The following TTBK2 variants were observed in gnomAD, a reference collection of about 807,000 sequenced individuals.
TTBK2 encodes the protein tau tubulin kinase 2.
In TTBK2, 28 loss-of-function variants were observed where a neutral mutation model predicts 110.8. That is an observed-to-expected ratio of 0.25 (90% CI 0.19 to 0.35). TTBK2 has a LOEUF of 0.35. TTBK2 is among the 10% of genes least tolerant of loss of function. The pLI is 1.00. For missense variants in TTBK2, 1,369 were observed against 1,500.3 expected (o/e 0.91, Z 1.45); for synonymous variants, 532 against 527.3 (o/e 1.01, Z -0.12).
chr15:42,873,533 G>A (rs1351973188), intron 2 of TTBK2, among the ~76,000 whole-genome samples: 1 of 152,086 alleles, frequency 6.6e-6, no homozygotes, highest in African/African-American at 2.4e-5. Context: ...AGAGCAGGCA[G>A]AGAACTCTAG....
intron 9 of TTBK2, among the ~76,000 whole-genome samples, chr15:42,806,831 T>TG (rs71431869): frequency 3.3e-5 from 5 of 151,324 alleles, no homozygotes; most frequent in Non-Finnish European, 7.4e-5. Context: ...TTTTTTTTTT[T>TG]GGCTCATCAG....
chr15:42,776,588 A>G (rs1298686556), intron 12 of TTBK2, among the ~76,000 whole-genome samples: 1 of 152,238 alleles, frequency 6.6e-6, no homozygotes, highest in Non-Finnish European at 1.5e-5. Flanking sequence ...GGTCTTCACT[A>G]AAGTGAATTG....
chr15:42,880,861 CAAACTG>C (rs1342999866), intron 1 of TTBK2, among the ~76,000 whole-genome samples: 3 of 151,896 alleles, frequency 2.0e-5, no homozygotes, highest in African/African-American at 7.3e-5. Context: ...AAATTCAAAA[CAAACTG>C]AAACCAGTAA....
At chr15:42,816,085 A>AATAAATATATAT (rs1397691949) in intron 7 of TTBK2, among the ~76,000 whole-genome samples, 6 of 67,446 alleles carry the variant, frequency 8.9e-5, no homozygotes, top group African/African-American at 3.8e-4. Flanking sequence ...TAAATAAATA[A>AATAAATATATAT]ATATATATAT....
Position 42,745,644 on chromosome 15 carries a change from G to T in TTBK2, c.*151C>A. ...CCTGCCTTAGGTAATTCCTTATCAT[G>T]TATTATGTCTTCTTATAAATAATTG... On this transcript the variant is annotated 3_prime_UTR_variant, in exon 15 of 15. Transcript: ENST00000267890. 4.2e-6 allele frequency: 4 copies of T among 944,326 alleles called. No individual in the cohort carries two copies. Among genetic ancestry groups the T allele is most frequent in the Admixed American group, 2.0e-5 (1 of 50,230 alleles). 58.5% of individuals were successfully genotyped at this position (944,326 alleles called of 1,614,324 possible). A position where few individuals can be genotyped will look rare whatever the true frequency, so the allele number is the denominator to read the frequency against.
chr15:42,903,571 A>T (rs1048760069), intron 1 of TTBK2, among the ~76,000 whole-genome samples: 1 of 152,224 alleles, frequency 6.6e-6, no homozygotes, highest in Non-Finnish European at 1.5e-5. Flanking sequence ...AAATGGGTGG[A>T]GTCCTTCAGT....
intron 1 of TTBK2, among the ~76,000 whole-genome samples, chr15:42,912,649 T>G (rs1457851298): frequency 6.6e-6 from 1 of 151,464 alleles, no homozygotes; most frequent in Non-Finnish European, 1.5e-5. Context: ...AGGCGGAGGT[T>G]GCAGTGAGCT....
chr15:42,802,217 T>C (rs1371678138), intron 9 of TTBK2: 3 of 920,376 alleles, frequency 3.3e-6, no homozygotes, highest in Non-Finnish European at 5.4e-6. Flanking sequence ...TTGACAGTGA[T>C]GGTGGTGATG....
chr15:42,783,333 C>T lies in TTBK2; in HGVS notation c.1197+86G>A, dbSNP rs9920092. Reference sequence around the variant, plus strand: ...GCCACAAAACAGCCCTCACCAGATACCAAATCTGCCTAGCCTTCCTTCTTG... The same window carrying T: ...GCCACAAAACAGCCCTCACCAGATATCAAATCTGCCTAGCCTTCCTTCTTG... On this transcript the variant is annotated intron_variant, in intron 11 of 14. Transcript: ENST00000267890. 0.8 allele frequency: 1,078,195 copies of T among 1,353,134 alleles called. 431,147 individuals carry two copies. Among genetic ancestry groups the T allele is most frequent in the Middle Eastern group, 0.91 (3,702 of 4,088 alleles). The allele number at this position is 1,353,134 out of a possible 1,614,324, so 83.8% of individuals were successfully genotyped here.
intron 1 of TTBK2, among the ~76,000 whole-genome samples, chr15:42,904,376 C>A (rs1288700951): frequency 6.6e-6 from 1 of 151,766 alleles, no homozygotes; most frequent in Non-Finnish European, 1.5e-5. Context: ...ACCAATATTG[C>A]CAAGAATTAT....
At chr15:42,840,291 A>G in intron 4 of TTBK2, 69 bp downstream of exon 4, 1 of 1,289,506 alleles carries the variant, frequency 7.8e-7, no homozygotes, top group East Asian at 2.3e-5. Context: ...CTTTTTATTC[A>G]TATTCACTGT....
At chr15:42,799,196 C>A (rs1455089762) in intron 9 of TTBK2, among the ~76,000 whole-genome samples, 1 of 151,944 alleles carries the variant, frequency 6.6e-6, no homozygotes, top group Non-Finnish European at 1.5e-5. Context: ...GGTGAAACCC[C>A]GTCTCTACTA....
In TTBK2 at chr15:42,872,883, A is replaced by G; in HGVS notation, c.70-125T>C. On this transcript the variant is annotated intron_variant, in intron 2 of 14. Transcript: ENST00000267890. ...CTGTTTTTTGATAAAATATTTAAAT[A>G]TTGTTAAATTAACTATGTATATGCC... 5 of 1,206,362 alleles carry G rather than the reference A, an allele frequency of 4.1e-6. No homozygotes were observed. In the South Asian group the frequency reaches 8.2e-5, roughly 20 times the overall value. The allele number at this position is 1,206,362 out of a possible 1,614,324, so 74.7% of individuals were successfully genotyped here.
At chr15:42,907,747 G>A (rs1415662277) in intron 1 of TTBK2, among the ~76,000 whole-genome samples, 1 of 151,840 alleles carries the variant, frequency 6.6e-6, no homozygotes, top group African/African-American at 2.4e-5. Context: ...TGGTAAAGAT[G>A]GTAAATCTTA....
chr15:42,877,492 GA>G (rs11332679), intron 2 of TTBK2, among the ~76,000 whole-genome samples: 36,361 of 150,306 alleles, frequency 0.24, 5,189 homozygotes, highest in African/African-American at 0.4. Flanking sequence ...AAATTGTAAG[GA>G]AAAAAAAAGA....
At chr15:42,827,794 T>G (rs918556146) in intron 6 of TTBK2, 134 bp downstream of exon 6, 2 of 746,040 alleles carry the variant, frequency 2.7e-6, no homozygotes, top group Non-Finnish European at 4.4e-6. Flanking sequence ...CATTCTATAA[T>G]TTAATCATTA....
intron 10 of TTBK2, among the ~76,000 whole-genome samples, chr15:42,785,711 C>T (rs1196471823): frequency 6.6e-6 from 1 of 151,776 alleles, no homozygotes; most frequent in African/African-American, 2.4e-5. Flanking sequence ...GAAAAGGCTC[C>T]TGCCAGTTCT....
rs1451086757 is a variant in TTBK2, at chr15:42,739,981, C to CACTT, written c.*5810_*5813dup. ...CAATGTTTTTAATTAGGCGAGTGAA[C>CACTT]ACTTATGTACATAATATTAAATAAT... On this transcript the variant is annotated 3_prime_UTR_variant, in exon 15 of 15. Coordinates refer to ENST00000267890, the MANE Select transcript of TTBK2 (RefSeq NM_173500.4). The CACTT allele has an allele frequency of 6.6e-6, 1 of 152,122 alleles. No homozygotes were observed. The highest frequency in any genetic ancestry group is 2.4e-5 in the African/African-American group (1 of 41,424). 9.4% of individuals were successfully genotyped at this position (152,122 alleles called of 1,614,324 possible). A position where few individuals can be genotyped will look rare whatever the true frequency, so the allele number is the denominator to read the frequency against.
At chr15:42,912,314 A>G (rs566051106) in intron 1 of TTBK2, among the ~76,000 whole-genome samples, 1 of 152,318 alleles carries the variant, frequency 6.6e-6, no homozygotes, top group Admixed American at 6.5e-5. Flanking sequence ...TACCATCACT[A>G]TTATCTCTCA....
Sources: gnomAD v4.1 joint callset for allele counts (sites outside exome capture counted in the v4.1 genomes callset) on GRCh38, gnomAD v4.1.1 for gene constraint, MANE v1.5 for transcripts, NCBI Gene and HGNC (gene_info 2026-07-23, HGNC 2026-07-21) for gene names.